SPTAN1: variants seen among roughly 807,000 people sequenced by gnomAD.
SPTAN1 encodes spectrin alpha, non-erythrocytic 1.
In SPTAN1, 61 loss-of-function variants were observed where a neutral mutation model predicts 331.3. The observed-to-expected ratio is 0.18, with a 90% CI of 0.15 to 0.23. The LOEUF (loss-of-function observed/expected upper bound fraction) is 0.23, where lower values mean the gene tolerates loss of function less well. Among genes scored for constraint, SPTAN1 ranks in the 10% least tolerant of loss-of-function variants. The pLI is 1.00. For synonymous variants in SPTAN1, 1,153 were observed against 1,173.9 expected, an observed-to-expected ratio of 0.98 and a Z score of 0.36; for missense variants, 2,043 against 3,147.9, an observed-to-expected ratio of 0.65 and a Z score of 8.40.
intron 12 of SPTAN1, among the ~76,000 whole-genome samples, chr9:128,582,118 C>T (rs1295285893): frequency 6.6e-6 from 1 of 152,116 alleles, no homozygotes; most frequent in Non-Finnish European, 1.5e-5. Context: ...TAAGTTTGTA[C>T]CCTTCATTAA....
intron 2 of SPTAN1, among the ~76,000 whole-genome samples, chr9:128,568,398 T>C (rs1850280909): frequency 6.6e-6 from 1 of 152,216 alleles, no homozygotes; most frequent in Non-Finnish European, 1.5e-5. Context: ...AAGCACTGAA[T>C]GTTGAGAAAA....
At position 128,557,067 on chromosome 9, in the gene SPTAN1, A is replaced by G. The variant is rs545491424; in HGVS notation, c.-4+4371A>G. Among the ~76,000 whole-genome samples, 140 of 152,372 alleles carry G rather than the reference A, an allele frequency of 9.2e-4. 1 individual carries two copies. Among genetic ancestry groups the G allele is most frequent in the Admixed American group, 7.7e-3 (118 of 15,306 alleles). ...TGCACATTTGGGTTCTGACTAAGCA[A>G]CAAAAGCAACTGATGAATGGTTTCT... On this transcript the variant is annotated intron_variant, in intron 1 of 56. Transcript: ENST00000372739.
chr9:128,557,154 G>A (rs527295113), intron 1 of SPTAN1, among the ~76,000 whole-genome samples: 8 of 152,184 alleles, frequency 5.3e-5, no homozygotes, highest in Non-Finnish European at 1.0e-4. Context: ...CAAACGACCC[G>A]TTCATCCTGT....
At chr9:128,565,100 C>G (rs1242919774) in intron 1 of SPTAN1, among the ~76,000 whole-genome samples, 1 of 152,054 alleles carries the variant, frequency 6.6e-6, no homozygotes, top group Admixed American at 6.6e-5. Context: ...GTCAAGAGAT[C>G]GAGACCATCC....
rs769831605 is a variant in SPTAN1 at position 128,632,495 on chromosome 9, C to G, written c.7013+11C>G. 24 of 1,614,072 alleles carry G rather than the reference C, an allele frequency of 1.5e-5. No homozygotes were observed. The highest frequency in any genetic ancestry group is 2.0e-5 in the Non-Finnish European group (24 of 1,180,034). ...CAGCATGATGTTTAAGTGAGTTCAG[C>G]CTTACTCGCCCTGGCTGGGTGGGGG... is the stretch of plus-strand genomic sequence containing the variant. On this transcript the variant is annotated intron_variant, in intron 54 of 56. Transcript: ENST00000372739.
chr9:128,567,173 C>T lies in SPTAN1; in HGVS notation c.237+196C>T, dbSNP rs557406262. ...ATCTTAGAGGTATTAATTGTCTTTT[C>T]TGGATGCTTTAAACTGATGGTTCTC... On this transcript the variant is annotated intron_variant, in intron 2 of 56. Transcript: ENST00000372739. 2.6e-5 allele frequency among the ~76,000 whole-genome samples: 4 copies of T among 152,310 alleles called. No homozygotes were observed. The South Asian group carries it at 8.3e-4, about 32-fold the overall frequency.
intron 1 of SPTAN1, among the ~76,000 whole-genome samples, chr9:128,561,701 AT>A (rs1396668981): frequency 6.8e-6 from 1 of 147,344 alleles, no homozygotes; most frequent in Non-Finnish European, 1.5e-5. Context: ...ATATGTCAAT[AT>A]GTCAACTCTA....
intron 51 of SPTAN1, 153 bp from the exon 52 acceptor site, chr9:128,630,168 C>T (rs554935935): frequency 3.6e-6 from 3 of 827,700 alleles, no homozygotes; most frequent in African/African-American, 3.3e-5. Flanking sequence ...ATCCCTGGGG[C>T]CCATTAGGTA....
intron 44 of SPTAN1, among the ~76,000 whole-genome samples, chr9:128,620,516 A>G (rs751058174): frequency 3.9e-5 from 6 of 152,212 alleles, no homozygotes; most frequent in Non-Finnish European, 7.3e-5. Flanking sequence ...CAGGAGTCCG[A>G]GACCAACCTG....
At chr9:128,558,652 C>G (rs1294149295) in intron 1 of SPTAN1, among the ~76,000 whole-genome samples, 1 of 152,084 alleles carries the variant, frequency 6.6e-6, no homozygotes. Context: ...TCTCAAAAGG[C>G]GTTAATCCCA....
At chr9:128,619,749 A>C (rs1857612668) in intron 44 of SPTAN1, among the ~76,000 whole-genome samples, 1 of 152,146 alleles carries the variant, frequency 6.6e-6, no homozygotes, top group Non-Finnish European at 1.5e-5. Context: ...CTTGAGGGGG[A>C]CACAGTTCAG....
Position 128,579,721 on chromosome 9 carries a change from G to A in SPTAN1, c.1306G>A (p.Asp436Asn), listed in dbSNP as rs929796374. The A allele has an allele frequency of 1.9e-6, 3 of 1,613,936 alleles. No homozygotes were observed. In the African/African-American group the frequency reaches 4.0e-5, roughly 22 times the overall value. Residue 436 changes from aspartate to asparagine, a missense_variant, in exon 10 of 57, where the codon GAT becomes AAT. Asp to Asn is a conservative substitution (Grantham distance 23). Coordinates refer to ENST00000372739, the MANE Select transcript of SPTAN1 (RefSeq NM_001130438.3). The part of the protein sequence containing the change: ...ALLAAGHYAS[D>N]EVREKLTVLS... ...GCTTGCTGCTGGTCACTATGCCTCA[G>A]ATGAAGTGAGGGAGAAGGTAAGAGA...
intron 46 of SPTAN1, 122 bp from the exon 47 acceptor site, chr9:128,624,981 G>A: frequency 4.3e-6 from 4 of 939,860 alleles, no homozygotes; most frequent in Non-Finnish European, 6.8e-6. Flanking sequence ...TTCTGAGGCT[G>A]TAGTTAGGAA....
At chr9:128,566,104 C>T (rs1372365491) in intron 1 of SPTAN1, among the ~76,000 whole-genome samples, 4 of 152,098 alleles carry the variant, frequency 2.6e-5, no homozygotes, top group South Asian at 2.1e-4. Flanking sequence ...TCACCCAGGG[C>T]GGAGCGCAGT....
chr9:128,567,080 G>C, intron 2 of SPTAN1, 103 bp downstream of exon 2: 1 of 1,507,684 alleles, frequency 6.6e-7, no homozygotes, highest in South Asian at 1.1e-5. Flanking sequence ...TTGAGAGATT[G>C]GACAAGAAGA....
Position 128,624,434 on chromosome 9 carries a change from A to G in SPTAN1, c.5939A>G (p.Asn1980Ser). ...CAGAGAAAGGCGAAGCTGGATGAGA[A>G]CTCGGCCTTCCTTCAGTTCAACTGG... ...AAQRKAKLDENSAFLQFNWKA... is the reference protein window; with the variant it reads ...AAQRKAKLDESSAFLQFNWKA... Residue 1980 changes from asparagine (N) to serine (S), a missense_variant, in exon 46 of 57, where the codon AAC (asparagine) becomes AGC (serine). By Grantham distance (46) the Asn-to-Ser change is conservative (BLOSUM62 1). This residue lies in a region of SPTAN1 where 323 missense variants were observed against 581.1 expected (regional missense o/e 0.56). Transcript: ENST00000372739. The G allele has an allele frequency of 1.2e-6, 2 of 1,613,868 alleles. No individual in the cohort carries two copies. Among genetic ancestry groups the G allele is most frequent in the Non-Finnish European group, 1.7e-6 (2 of 1,180,014 alleles).
At position 128,621,149 on chromosome 9, in the gene SPTAN1, C is replaced by G. The variant is rs779869876; in HGVS notation, c.5734-9C>G. The G allele has an allele frequency of 6.8e-6, 11 of 1,613,940 alleles. No individual in the cohort carries two copies. The highest frequency in any genetic ancestry group is 7.6e-6 in the Non-Finnish European group (9 of 1,179,800). On this transcript the variant is annotated splice_polypyrimidine_tract_variant and intron_variant, in intron 44 of 56. Transcript: ENST00000372739. ...TCTCAATAGTGTGCCTTGGCTGCTTCTACTCCAGGGCTTACTGAAGAAACA... is the reference window on the plus strand; with the variant it reads ...TCTCAATAGTGTGCCTTGGCTGCTTGTACTCCAGGGCTTACTGAAGAAACA...
In SPTAN1 at chr9:128,576,866, A is replaced by C. The variant is rs1454411281; in HGVS notation, c.695A>C (p.Glu232Ala). 1 of 1,613,998 alleles carries C rather than the reference A, an allele frequency of 6.2e-7. No individual in the cohort carries two copies. The highest frequency in any genetic ancestry group is 8.5e-7 in the Non-Finnish European group (1 of 1,180,034). ...EEELIKTKQD[E>A]VNAAWQRLKG... is the part of the protein sequence containing the mutation. ...GAACTGATCAAGACTAAGCAGGATG[A>C]AGTCAATGCAGCCTGGCAGCGGCTG... The change falls in exon 6 of 57, where the codon GAA (glutamate) becomes GCA (alanine). Residue 232 changes from glutamate to alanine, a missense_variant. By Grantham distance (107) the Glu-to-Ala change is moderately radical. Around this residue, in one of 12 missense-constraint regions of SPTAN1, gnomAD observed 1,038 missense variants for 1,531.5 expected, o/e 0.68. Coordinates refer to ENST00000372739, the MANE Select transcript of SPTAN1 (RefSeq NM_001130438.3).
chr9:128,575,792 C>G (rs1370085074), intron 5 of SPTAN1, among the ~76,000 whole-genome samples: 2 of 152,176 alleles, frequency 1.3e-5, no homozygotes, highest in Non-Finnish European at 2.9e-5. Context: ...AGGCTCTCCA[C>G]TCTGGCGCTG....
Sources: gnomAD v4.1 joint callset for allele counts (sites outside exome capture counted in the v4.1 genomes callset) on GRCh38, gnomAD v4.1.1 for gene constraint, gnomAD v4.1.1 regional missense constraint, MANE v1.5 for transcripts, NCBI Gene and HGNC (gene_info 2026-07-23, HGNC 2026-07-21) for gene names.